The following BCAR3 variants were observed in gnomAD, a reference collection of about 807,000 sequenced individuals.
The protein encoded by BCAR3 is breast cancer anti-estrogen resistance protein 3.
In BCAR3, 37 loss-of-function variants were observed where a neutral mutation model predicts 80.1. The observed-to-expected ratio is 0.46, with a 90% CI of 0.36 to 0.61. The LOEUF (loss-of-function observed/expected upper bound fraction) is 0.61, where lower values mean the gene tolerates loss of function less well. Among genes scored for constraint, BCAR3 ranks in the 20% least tolerant of loss-of-function variants. The probability of loss-of-function intolerance (pLI) is 0.00; values close to 1 mark genes in which losing one functional copy is unlikely to be tolerated. For synonymous variants in BCAR3, 389 were observed against 418.9 expected (o/e 0.93, Z 0.87); for missense variants, 978 against 1,068.2 (o/e 0.92, Z 1.18).
At position 93,592,051 on chromosome 1, in the gene BCAR3, C is replaced by G; in HGVS notation, c.486+214G>C. On this transcript the variant is annotated intron_variant, in intron 4 of 11. Transcript: ENST00000260502. The surrounding 1 kb of genome is among the most constrained non-coding windows in gnomAD (Gnocchi z 4.8). ...GGAGCGCTGGCTGTCCCTTCACTTCCTGAACATGTGGATGTGTGCTTTGGG... is the reference window on the plus strand; with the variant it reads ...GGAGCGCTGGCTGTCCCTTCACTTCGTGAACATGTGGATGTGTGCTTTGGG... 1 of 603,694 alleles carries G rather than the reference C, an allele frequency of 1.7e-6. No individual in the cohort carries two copies. Among genetic ancestry groups the G allele is most frequent in the South Asian group, 2.1e-5 (1 of 46,690 alleles). 37.4% of individuals were successfully genotyped at this position (603,694 alleles called of 1,614,324 possible).
At chr1:93,756,342 C>G (rs1486736482) in intron 2 of BCAR3, among the ~76,000 whole-genome samples, 2 of 152,182 alleles carry the variant, frequency 1.3e-5, no homozygotes, top group African/African-American at 4.8e-5. Flanking sequence ...CATTCTATCT[C>G]TGTAATACCA....
At chr1:93,777,453 C>T (rs144373960) in intron 2 of BCAR3, among the ~76,000 whole-genome samples, 12,321 of 140,018 alleles carry the variant, frequency 0.088, 691 homozygotes, top group African/African-American at 0.17. Flanking sequence ...CCTCCTCCTC[C>T]TCTTCCTCCT....
chr1:93,713,365 C>A (rs1216330613), intron 2 of BCAR3, among the ~76,000 whole-genome samples: 1 of 152,208 alleles, frequency 6.6e-6, no homozygotes, highest in East Asian at 1.9e-4. Context: ...TCAGAAGGAC[C>A]AATTATTTAA....
At chr1:93,650,259 C>T (rs1676280959) in intron 2 of BCAR3, among the ~76,000 whole-genome samples, 1 of 152,164 alleles carries the variant, frequency 6.6e-6, no homozygotes, top group Admixed American at 6.5e-5. Context: ...GTGGCAAGCG[C>T]CTGTAATCCC....
intron 3 of BCAR3, among the ~76,000 whole-genome samples, chr1:93,619,881 GT>G (rs1675258190): frequency 6.6e-6 from 1 of 152,234 alleles, no homozygotes; most frequent in Admixed American, 6.5e-5. Flanking sequence ...GCCAGGATGG[GT>G]TCTGGTCTTC....
chr1:93,591,494 T>TA (rs1674188446), intron 4 of BCAR3, among the ~76,000 whole-genome samples: 2 of 152,036 alleles, frequency 1.3e-5, no homozygotes, highest in South Asian at 4.2e-4. Flanking sequence ...AAAAAAAACT[T>TA]ACGACATGAT....
intron 2 of BCAR3, among the ~76,000 whole-genome samples, chr1:93,833,148 G>A (rs1654635056): frequency 6.6e-6 from 1 of 152,140 alleles, no homozygotes; most frequent in African/African-American, 2.4e-5. Context: ...GGGACTCTGG[G>A]GGTGACATCA....
At chr1:93,692,087 C>T (rs1649213491) in intron 3 of BCAR3, among the ~76,000 whole-genome samples, 1 of 152,102 alleles carries the variant, frequency 6.6e-6, no homozygotes, top group Non-Finnish European at 1.5e-5. Flanking sequence ...TAGGGTTGGC[C>T]AGTTTGATTT....
chr1:93,577,335 A>C (rs1673499635), intron 7 of BCAR3, among the ~76,000 whole-genome samples: 1 of 152,036 alleles, frequency 6.6e-6, no homozygotes, highest in Non-Finnish European at 1.5e-5. Flanking sequence ...CTATCAAAAC[A>C]CATCTGGATG....
chr1:93,582,386 G>A lies in BCAR3; in HGVS notation c.1601C>T (p.Thr534Ile), dbSNP rs748486479. ...TTCTTTTGCACGTTTCAACATTGCTGTTTCCAGGGGCTTATTCTCAGGGGG... is the reference window on the plus strand; with the variant it reads ...TTCTTTTGCACGTTTCAACATTGCTATTTCCAGGGGCTTATTCTCAGGGGG... ...FLPPENKPLE[T>I]AMLKRAKELF... Residue 534 changes from threonine to isoleucine, a missense_variant, in exon 7 of 12, where the codon ACA (threonine) becomes ATA (isoleucine). Physicochemically the swap from Thr to Ile is moderately conservative, Grantham distance 89 (BLOSUM62 -1). Transcript: ENST00000260502. The A allele has an allele frequency of 6.2e-6, 10 of 1,614,078 alleles. No individual in the cohort carries two copies. Among genetic ancestry groups the A allele is most frequent in the Admixed American group, 1.7e-5 (1 of 60,002 alleles).
At chr1:93,638,001 G>A (rs150140024) in intron 3 of BCAR3, among the ~76,000 whole-genome samples, 4,549 of 152,298 alleles carry the variant, frequency 0.03, 77 homozygotes, top group Middle Eastern at 0.054. Context: ...TGTAATCCCA[G>A]CACTTTGGGA....
At chr1:93,770,367 T>A (rs576064412) in intron 2 of BCAR3, among the ~76,000 whole-genome samples, 6 of 152,226 alleles carry the variant, frequency 3.9e-5, no homozygotes, top group Non-Finnish European at 8.8e-5. Context: ...GCTCTGATCC[T>A]GGCCTCAGAA....
At chr1:93,806,620 T>C (rs74989321) in intron 2 of BCAR3, among the ~76,000 whole-genome samples, 3,014 of 152,182 alleles carry the variant, frequency 0.02, 101 homozygotes, top group African/African-American at 0.07. Flanking sequence ...TTTTTCAGTA[T>C]GATAAAGAAA....
Position 93,717,372 on chromosome 1 carries a change from T to G in BCAR3, c.-62-11230A>C, listed in dbSNP as rs193065364. 1.5e-3 allele frequency among the ~76,000 whole-genome samples: 235 copies of G among 152,330 alleles called. 1 individual carries two copies. Among genetic ancestry groups the G allele is most frequent in the African/African-American group, 5.4e-3 (226 of 41,580 alleles). On this transcript the variant is annotated intron_variant, in intron 2 of 13. Transcript: ENST00000370244. The stretch of plus-strand genomic sequence containing the variant: ...AACAACTAAATTTGGGGGCAGTTTT[T>G]TAAGCAGCAAAAGTTAGTTGATTTT...
chr1:93,592,211 T>C lies in BCAR3; in HGVS notation c.486+54A>G. On this transcript the variant is annotated intron_variant, in intron 4 of 11. Coordinates refer to ENST00000260502, the MANE Select transcript of BCAR3 (RefSeq NM_003567.4). This position sits in a 1 kb window ranked among gnomAD's most constrained non-coding sequence, Gnocchi z 4.8. ...AGTGGGACCCTGCGGGTCATCAATC[T>C]GTACATTGCCTGAGAGCAGCCGTGT... The C allele has an allele frequency of 6.2e-7, 1 of 1,606,816 alleles. No homozygotes were observed. The highest frequency in any genetic ancestry group is 1.7e-5 in the Admixed American group (1 of 58,514).
intron 3 of BCAR3, among the ~76,000 whole-genome samples, chr1:93,617,803 C>T (rs1675175224): frequency 1.3e-5 from 2 of 152,218 alleles, no homozygotes. Context: ...CCCCACTCAG[C>T]ACCAGCCTGG....
chr1:93,807,576 C>A (rs1006936051), intron 2 of BCAR3, among the ~76,000 whole-genome samples: 1 of 152,152 alleles, frequency 6.6e-6, no homozygotes, highest in African/African-American at 2.4e-5. Context: ...AGTCCCCCAG[C>A]TAATCTCTCC....
At chr1:93,634,732 G>A (rs978181314) in intron 3 of BCAR3, among the ~76,000 whole-genome samples, 3 of 150,294 alleles carry the variant, frequency 2.0e-5, no homozygotes, top group Non-Finnish European at 4.4e-5. Context: ...AAAAAAAAAC[G>A]GAGTTTCCCT....
rs573477243 is a variant in BCAR3 at position 93,693,504 on chromosome 1, G to T, written c.-12+12588C>A. Among the ~76,000 whole-genome samples, 10 of 152,272 alleles carry T rather than the reference G, an allele frequency of 6.6e-5. No homozygotes were observed. In the South Asian group the frequency reaches 1.7e-3, roughly 25 times the overall value. ...GGAAGGAAATGAGTGAACAATCCTC[G>T]CATATTCTGAAGTGAGTCATTGGCC... On this transcript the variant is annotated intron_variant, in intron 3 of 13. Transcript: ENST00000370244.
Sources: allele counts gnomAD v4.1 joint callset (sites outside exome capture counted in the v4.1 genomes callset), GRCh38; gene constraint gnomAD v4.1.1; non-coding constraint Gnocchi (gnomAD v3.1); transcripts MANE v1.5; gene names NCBI Gene and HGNC (gene_info 2026-07-23, HGNC 2026-07-21).